The following SYNPR variants were observed in gnomAD, a reference collection of about 807,000 sequenced individuals.
SYNPR encodes synaptoporin.
A neutral mutation model predicts 32.9 loss-of-function variants in SYNPR; 23 were observed. The observed-to-expected ratio is 0.70, with a 90% CI of 0.50 to 0.99. The LOEUF is 0.99. Ranked by LOEUF, SYNPR falls within the 50% of genes least tolerant of loss-of-function variation. The pLI is 0.00. For missense variants in SYNPR, 318 were observed against 349.3 expected (o/e 0.91, Z 0.71); for synonymous variants, 146 against 135.9 (o/e 1.07, Z -0.52).
intron 4 of SYNPR, among the ~76,000 whole-genome samples, chr3:63,596,943 T>G (rs564889990): frequency 6.6e-6 from 1 of 152,306 alleles, no homozygotes; most frequent in South Asian, 2.1e-4. Flanking sequence ...AGATGTACTG[T>G]AAGTGTAAAA....
chr3:63,282,245 A>G (rs2086637296), intron 2 of SYNPR, among the ~76,000 whole-genome samples: 1 of 152,226 alleles, frequency 6.6e-6, no homozygotes. Context: ...CAAACATAAA[A>G]GACATGTTCT....
intron 4 of SYNPR, among the ~76,000 whole-genome samples, chr3:63,573,860 A>G (rs1027302389): frequency 6.6e-6 from 1 of 152,146 alleles, no homozygotes; most frequent in African/African-American, 2.4e-5. Context: ...CCGCCGCCAA[A>G]TTGAGTCAGA....
At chr3:63,459,907 C>G (rs1371655615) in intron 2 of SYNPR, among the ~76,000 whole-genome samples, 1 of 152,084 alleles carries the variant, frequency 6.6e-6, no homozygotes, top group Non-Finnish European at 1.5e-5. Context: ...CATCCACTGT[C>G]ATCCAGTTCA....
At chr3:63,485,636 A>G (rs1701133392) in intron 3 of SYNPR, among the ~76,000 whole-genome samples, 1 of 152,172 alleles carries the variant, frequency 6.6e-6, no homozygotes, top group Admixed American at 6.5e-5. Flanking sequence ...TTAAGTCTTC[A>G]AAATATGATA....
chr3:63,584,908 G>T (rs890441546), intron 4 of SYNPR, among the ~76,000 whole-genome samples: 1 of 152,044 alleles, frequency 6.6e-6, no homozygotes, highest in East Asian at 1.9e-4. Context: ...TCTCTTGGAA[G>T]CTTGTTAGAA....
chr3:63,607,640 A>G (rs538385756), intron 4 of SYNPR, among the ~76,000 whole-genome samples: 2 of 152,328 alleles, frequency 1.3e-5, no homozygotes, highest in African/African-American at 4.8e-5. Flanking sequence ...TGGGTCACAC[A>G]TTGGCCCTTA....
intron 2 of SYNPR, among the ~76,000 whole-genome samples, chr3:63,405,660 G>A (rs1016942273): frequency 3.9e-5 from 6 of 152,168 alleles, no homozygotes; most frequent in Non-Finnish European, 7.3e-5. Flanking sequence ...AGACCCTTCA[G>A]GCTGCCATGT....
intron 2 of SYNPR, among the ~76,000 whole-genome samples, chr3:63,442,593 A>G (rs1700200152): frequency 6.6e-6 from 1 of 152,148 alleles, no homozygotes; most frequent in Non-Finnish European, 1.5e-5. Context: ...ACTCCTTCCT[A>G]CAGAGGTTTA....
At chr3:63,556,304 C>T (rs1173593936) in intron 3 of SYNPR, among the ~76,000 whole-genome samples, 1 of 152,140 alleles carries the variant, frequency 6.6e-6, no homozygotes, top group Non-Finnish European at 1.5e-5. Context: ...CCCTTCCTTC[C>T]TCCTCTCTAC....
intron 2 of SYNPR, among the ~76,000 whole-genome samples, chr3:63,452,678 GA>G (rs11321250): frequency 0.34 from 51,292 of 151,984 alleles, 9,024 homozygotes; most frequent in Middle Eastern, 0.4. Context: ...TAAGAATGGG[GA>G]AAATGAGACG....
chr3:63,243,451 G>C (rs2086262828), intron 1 of SYNPR, among the ~76,000 whole-genome samples: 1 of 152,026 alleles, frequency 6.6e-6, no homozygotes, highest in Admixed American at 6.6e-5. Flanking sequence ...CTTATTTAGT[G>C]TTCTCAACAA....
chr3:63,289,843 C>A (rs1313737971), intron 2 of SYNPR, among the ~76,000 whole-genome samples: 3 of 152,102 alleles, frequency 2.0e-5, no homozygotes, highest in Non-Finnish European at 2.9e-5. Flanking sequence ...TAAAAAACTC[C>A]TTTTCAGCCG....
At chr3:63,512,344 A>G (rs935651457) in intron 3 of SYNPR, among the ~76,000 whole-genome samples, 2 of 152,152 alleles carry the variant, frequency 1.3e-5, no homozygotes, top group African/African-American at 2.4e-5. Context: ...GGAACAGAAT[A>G]TGTAATATCC....
chr3:63,321,348 A>G (rs2087108842), intron 2 of SYNPR, among the ~76,000 whole-genome samples: 1 of 152,052 alleles, frequency 6.6e-6, no homozygotes, highest in Admixed American at 6.6e-5. Context: ...TCCAAAGAAG[A>G]AAGTATGTTT....
chr3:63,559,045 T>C (rs1004136256), intron 4 of SYNPR, among the ~76,000 whole-genome samples: 1 of 150,874 alleles, frequency 6.6e-6, no homozygotes, highest in Non-Finnish European at 1.5e-5. Context: ...GATACAATAA[T>C]TTTATTTTTA....
chr3:63,389,121 G>C (rs565375264), intron 2 of SYNPR, among the ~76,000 whole-genome samples: 1 of 152,280 alleles, frequency 6.6e-6, no homozygotes, highest in South Asian at 2.1e-4. Flanking sequence ...GCTTTAATGA[G>C]CCTGCTCTTG....
intron 3 of SYNPR, among the ~76,000 whole-genome samples, chr3:63,491,933 T>C (rs993975926): frequency 1.3e-5 from 2 of 152,176 alleles, no homozygotes; most frequent in African/African-American, 4.8e-5. Flanking sequence ...TTTGTTTTTT[T>C]CAAAAATGTA....
At chr3:63,335,542 C>T (rs376165205) in intron 2 of SYNPR, among the ~76,000 whole-genome samples, 1 of 151,986 alleles carries the variant, frequency 6.6e-6, no homozygotes, top group East Asian at 1.9e-4. Context: ...AAAGCCATGA[C>T]CTAGGAATGA....
At chr3:63,541,066 T>A (rs1344649662) in intron 3 of SYNPR, among the ~76,000 whole-genome samples, 1 of 151,764 alleles carries the variant, frequency 6.6e-6, no homozygotes, top group Non-Finnish European at 1.5e-5. Context: ...AGTTTTTCTC[T>A]TGGAGCTGGG....
Sources: allele counts gnomAD v4.1 joint callset (sites outside exome capture counted in the v4.1 genomes callset), GRCh38; gene constraint gnomAD v4.1.1; transcripts MANE v1.5; gene names NCBI Gene and HGNC (gene_info 2026-07-23, HGNC 2026-07-21).